Variants in CHST11 observed in about 807,000 individuals in gnomAD.
The protein encoded by CHST11 is carbohydrate sulfotransferase 11.
In CHST11, 9 loss-of-function variants were observed where a neutral mutation model predicts 30.4. The observed-to-expected ratio is 0.30, with a 90% confidence interval of 0.18 to 0.52. The LOEUF is 0.52. Among genes scored for constraint, CHST11 ranks in the 20% least tolerant of loss-of-function variants. The pLI is 0.97. For synonymous variants in CHST11, 152 were observed against 187.8 expected (o/e 0.81, Z 1.56); for missense variants, 348 against 460.6 (o/e 0.76, Z 2.24).
intron 2 of CHST11, among the ~76,000 whole-genome samples, chr12:104,606,961 G>C (rs991294002): frequency 6.6e-6 from 1 of 152,016 alleles, no homozygotes; most frequent in South Asian, 2.1e-4. Flanking sequence ...TCAGCTACTC[G>C]GGAGGCTGAG....
intron 2 of CHST11, among the ~76,000 whole-genome samples, chr12:104,678,500 A>C (rs2039763904): frequency 6.6e-6 from 1 of 152,262 alleles, no homozygotes; most frequent in Admixed American, 6.5e-5. Flanking sequence ...TAATTCATTT[A>C]GTCTTCTCAA....
chr12:104,730,718 C>T (rs1012398383), intron 2 of CHST11, among the ~76,000 whole-genome samples: 3 of 152,224 alleles, frequency 2.0e-5, no homozygotes, highest in Non-Finnish European at 4.4e-5. Flanking sequence ...AACATCCTCA[C>T]TCCTTTATCC....
At chr12:104,633,389 T>C (rs2039290726) in intron 2 of CHST11, among the ~76,000 whole-genome samples, 2 of 150,594 alleles carry the variant, frequency 1.3e-5, no homozygotes, top group Non-Finnish European at 3.0e-5. Flanking sequence ...GGGAAAGAAC[T>C]GCATGTGCTC....
At chr12:104,507,761 A>G (rs74388542) in intron 1 of CHST11, among the ~76,000 whole-genome samples, 234 of 152,106 alleles carry the variant, frequency 1.5e-3, no homozygotes, top group African/African-American at 5.5e-3. Flanking sequence ...AGCCCAGGCA[A>G]ATTCTCATGG....
intron 2 of CHST11, among the ~76,000 whole-genome samples, chr12:104,681,412 T>C (rs1453314377): frequency 2.0e-5 from 3 of 152,184 alleles, no homozygotes; most frequent in Non-Finnish European, 4.4e-5. Flanking sequence ...AGAAACTAGA[T>C]TAGTGGTTGC....
chr12:104,568,901 T>C (rs2038596649), intron 1 of CHST11, among the ~76,000 whole-genome samples: 1 of 152,162 alleles, frequency 6.6e-6, no homozygotes, highest in African/African-American at 2.4e-5. Flanking sequence ...AAAATAAAAG[T>C]AGGTCATTAG....
intron 2 of CHST11, among the ~76,000 whole-genome samples, chr12:104,680,869 G>A (rs1424370392): frequency 6.6e-6 from 1 of 152,224 alleles, no homozygotes; most frequent in Non-Finnish European, 1.5e-5. Flanking sequence ...GGTGAAGAAG[G>A]CATAGATGTT....
At chr12:104,555,253 C>T (rs1475507762) in intron 1 of CHST11, among the ~76,000 whole-genome samples, 3 of 152,208 alleles carry the variant, frequency 2.0e-5, no homozygotes, top group African/African-American at 7.2e-5. Flanking sequence ...TCTCTATTCT[C>T]TGGTGGAACC....
intron 2 of CHST11, among the ~76,000 whole-genome samples, chr12:104,649,973 A>G (rs1443638432): frequency 2.0e-5 from 3 of 152,194 alleles, no homozygotes; most frequent in Non-Finnish European, 2.9e-5. Flanking sequence ...GGGCACCCAA[A>G]GGGCACTCCA....
chr12:104,467,663 C>T (rs776557732), intron 1 of CHST11, among the ~76,000 whole-genome samples: 1 of 152,142 alleles, frequency 6.6e-6, no homozygotes, highest in South Asian at 2.1e-4. Flanking sequence ...TGGCTTGAAT[C>T]GTTATCTTAA....
chr12:104,654,209 T>C lies in CHST11; in HGVS notation c.204+52218T>C, dbSNP rs186120790. On this transcript the variant is annotated intron_variant, in intron 2 of 2. Coordinates refer to ENST00000303694, the MANE Select transcript of CHST11 (RefSeq NM_018413.6). Reference sequence around the variant, plus strand: ...AAGTCGGGGGAGGGAGCTCCAAGGCTACCTGCAGTCACTGGAGTCTTGGAC... The same window carrying C: ...AAGTCGGGGGAGGGAGCTCCAAGGCCACCTGCAGTCACTGGAGTCTTGGAC... Among the ~76,000 whole-genome samples the C allele has an allele frequency of 2.4e-4, 37 of 152,316 alleles. No individual in the cohort carries two copies. In the East Asian group the frequency reaches 6.9e-3, roughly 29 times the overall value.
Position 104,461,811 on chromosome 12 carries a change from A to G in CHST11, c.118+4282A>G, listed in dbSNP as rs565556628. The stretch of plus-strand genomic sequence containing the variant: ...TTCACTTGATCAGGTTGAACCTAAA[A>G]TGCATTTTGTATTATAATTTTAAAC... On this transcript the variant is annotated intron_variant, in intron 1 of 2. Transcript: ENST00000303694. Among the ~76,000 whole-genome samples the G allele has an allele frequency of 1.1e-4, 17 of 152,328 alleles. No homozygotes were observed. In the South Asian group the frequency reaches 3.5e-3, roughly 32 times the overall value.
intron 2 of CHST11, among the ~76,000 whole-genome samples, chr12:104,628,702 C>CT (rs2039243184): frequency 6.6e-6 from 1 of 152,146 alleles, no homozygotes; most frequent in Non-Finnish European, 1.5e-5. Flanking sequence ...GCTGTCCTTG[C>CT]TTTTTCCTGC....
intron 1 of CHST11, among the ~76,000 whole-genome samples, chr12:104,479,920 C>T (rs1318961808): frequency 6.6e-6 from 1 of 152,188 alleles, no homozygotes; most frequent in Non-Finnish European, 1.5e-5. Flanking sequence ...GAGGGCATTC[C>T]CCTTGGATCC....
intron 1 of CHST11, among the ~76,000 whole-genome samples, chr12:104,517,102 T>A (rs1187103731): frequency 1.3e-5 from 2 of 152,188 alleles, no homozygotes; most frequent in Non-Finnish European, 2.9e-5. Flanking sequence ...CTTGAGAGGT[T>A]TAGTAACATT....
intron 1 of CHST11, among the ~76,000 whole-genome samples, chr12:104,553,728 C>T (rs992860103): frequency 1.1e-4 from 16 of 152,200 alleles, no homozygotes; most frequent in Admixed American, 2.0e-4. Flanking sequence ...AGGTTCGTCC[C>T]CCAGCATTGC....
intron 1 of CHST11, among the ~76,000 whole-genome samples, chr12:104,567,159 T>TA (rs1412260262): frequency 6.6e-6 from 1 of 152,182 alleles, no homozygotes; most frequent in Non-Finnish European, 1.5e-5. Flanking sequence ...GTGTATCCCT[T>TA]ACGCTTGCCA....
chr12:104,737,082 G>A (rs2040307379), intron 2 of CHST11, among the ~76,000 whole-genome samples: 1 of 152,170 alleles, frequency 6.6e-6, no homozygotes, highest in Non-Finnish European at 1.5e-5. Flanking sequence ...AATTAGCTAT[G>A]GGAATTTTAA....
intron 1 of CHST11, among the ~76,000 whole-genome samples, chr12:104,544,775 C>CCCCCCCCCCCCCCCG (rs1555231410): frequency 8.3e-6 from 1 of 120,756 alleles, no homozygotes; most frequent in Non-Finnish European, 1.8e-5. Flanking sequence ...ACAGTCCCCC[C>CCCCCCCCCCCCCCCG]ACCCCGGAGA....
Sources: allele counts gnomAD v4.1 joint callset (sites outside exome capture counted in the v4.1 genomes callset), GRCh38; gene constraint gnomAD v4.1.1; transcripts MANE v1.5; gene names NCBI Gene and HGNC (gene_info 2026-07-23, HGNC 2026-07-21).